CENPP: variants seen among roughly 807,000 people sequenced by gnomAD.
CENPP encodes centromere protein P.
CENPP carries 24 observed loss-of-function variants against 35.6 expected under a neutral mutation model. The ratio of observed to expected loss-of-function variants is 0.67; its 90% CI spans 0.49 to 0.95. The LOEUF is 0.95. Among genes scored for constraint, CENPP ranks in the 40% least tolerant of loss-of-function variants. The pLI, the probability that CENPP is intolerant of heterozygous loss-of-function variation, is 0.00. For synonymous variants in CENPP, 120 were observed against 125.5 expected (o/e 0.96, Z 0.29); for missense variants, 332 against 345.3 (o/e 0.96, Z 0.31).
chr9:92,470,148 G>A (rs1845458554), intron 5 of CENPP, among the ~76,000 whole-genome samples: 1 of 152,154 alleles, frequency 6.6e-6, no homozygotes, highest in African/African-American at 2.4e-5. Context: ...AAACATGGAA[G>A]TAGTAATCTT....
chr9:92,587,469 T>C (rs1850567696), intron 5 of CENPP, among the ~76,000 whole-genome samples: 2 of 149,986 alleles, frequency 1.3e-5, no homozygotes, highest in African/African-American at 4.9e-5. Flanking sequence ...AATTGCCATC[T>C]CAAAAAAAAG....
chr9:92,335,865 G>A (rs1416519601), intron 2 of CENPP, among the ~76,000 whole-genome samples: 1 of 152,156 alleles, frequency 6.6e-6, no homozygotes, highest in Non-Finnish European at 1.5e-5. Flanking sequence ...TGGCTCTCCT[G>A]AGTTTTTGCC....
intron 4 of CENPP, among the ~76,000 whole-genome samples, chr9:92,364,208 T>A (rs1450781930): frequency 4.6e-5 from 7 of 151,194 alleles, no homozygotes; most frequent in East Asian, 1.9e-4. Context: ...GAAAAAAAAA[T>A]TTTTTTAGAA....
chr9:92,568,957 G>T (rs1156777444), intron 5 of CENPP, among the ~76,000 whole-genome samples: 1 of 152,134 alleles, frequency 6.6e-6, no homozygotes, highest in Non-Finnish European at 1.5e-5. Context: ...ATTTGTTTAA[G>T]TACTTTGTAG....
At chr9:92,486,620 G>A (rs1274637858) in intron 5 of CENPP, among the ~76,000 whole-genome samples, 1 of 152,056 alleles carries the variant, frequency 6.6e-6, no homozygotes, top group Admixed American at 6.5e-5. Flanking sequence ...GCAGGGACTG[G>A]CTTCTGCTGT....
chr9:92,567,369 G>GATAGATATATATATATATATATATATAT (rs1849994936), intron 5 of CENPP, among the ~76,000 whole-genome samples: 5 of 104,090 alleles, frequency 4.8e-5, no homozygotes, highest in African/African-American at 1.2e-4. Flanking sequence ...AGTTACATAA[G>GATAGATATATATATATATATATATATAT]ATAGATATAT....
chr9:92,598,874 G>A (rs1850842935), intron 5 of CENPP, among the ~76,000 whole-genome samples: 1 of 151,770 alleles, frequency 6.6e-6, no homozygotes, highest in South Asian at 2.1e-4. Context: ...TTGGCAGGCC[G>A]AGGCAGGTGC....
At chr9:92,514,124 CTTT>C (rs34816093) in intron 5 of CENPP, among the ~76,000 whole-genome samples, 22 of 136,278 alleles carry the variant, frequency 1.6e-4, no homozygotes, top group Admixed American at 3.0e-4. Context: ...GAATCGTTCA[CTTT>C]TTTTTTTTTT....
rs766371267 is a variant in CENPP, at chr9:92,615,890, A to G, written c.*2741A>G. ...GCTTTCCTTGAACCGAGTCGACATC[A>G]CGGCGTTGTCTTTGGCACGTACAGT... is the stretch of plus-strand genomic sequence containing the variant. On this transcript the variant is annotated 3_prime_UTR_variant, in exon 8 of 8. Transcript: ENST00000375587. 6.2e-7 allele frequency: 1 copy of G among 1,614,194 alleles called. No individual in the cohort carries two copies.
chr9:92,385,214 G>C (rs1160888003), intron 5 of CENPP: 1 of 155,328 alleles, frequency 6.4e-6, no homozygotes, highest in Non-Finnish European at 1.4e-5. Context: ...AAAGTTTTTG[G>C]AACATGTACC....
At chr9:92,443,643 T>C (rs1844477381) in intron 5 of CENPP, among the ~76,000 whole-genome samples, 1 of 145,890 alleles carries the variant, frequency 6.9e-6, no homozygotes, top group African/African-American at 2.7e-5. Flanking sequence ...CAAAGAGGAC[T>C]TAGTATGTTA....
chr9:92,500,396 T>A (rs1445387193), intron 5 of CENPP, among the ~76,000 whole-genome samples: 1 of 152,236 alleles, frequency 6.6e-6, no homozygotes, highest in Non-Finnish European at 1.5e-5. Flanking sequence ...TTGGCCAGGC[T>A]GGCCTCAGAC....
intron 5 of CENPP, among the ~76,000 whole-genome samples, chr9:92,479,254 G>A (rs1389033742): frequency 1.3e-5 from 2 of 152,154 alleles, no homozygotes; most frequent in South Asian, 2.1e-4. Flanking sequence ...AGCATCAGCC[G>A]GGGCCCCTTC....
At chr9:92,435,921 T>C (rs1844235278) in intron 5 of CENPP, among the ~76,000 whole-genome samples, 1 of 152,214 alleles carries the variant, frequency 6.6e-6, no homozygotes, top group Non-Finnish European at 1.5e-5. Context: ...ATGGGGTACA[T>C]GCCCAGAGTA....
chr9:92,514,741 C>T lies in CENPP; in HGVS notation c.565-96573C>T, dbSNP rs560017678. 2.7e-5 allele frequency: 44 copies of T among 1,614,078 alleles called. No individual in the cohort carries two copies. Among genetic ancestry groups the T allele is most frequent in the Middle Eastern group, 1.7e-4 (1 of 6,060 alleles). On this transcript the variant is annotated intron_variant, in intron 5 of 7. Transcript: ENST00000375587. ...GGACAGAGAGCACCCGCTTGGCAGGCGCAGTGTGCCTCTGGGAGGAGCAGG... is the reference window on the plus strand; with the variant it reads ...GGACAGAGAGCACCCGCTTGGCAGGTGCAGTGTGCCTCTGGGAGGAGCAGG...
intron 5 of CENPP, among the ~76,000 whole-genome samples, chr9:92,510,476 A>G (rs1314795950): frequency 1.3e-5 from 2 of 152,240 alleles, no homozygotes. Flanking sequence ...TCAGTTTTTT[A>G]TCTACTCCAG....
intron 5 of CENPP, among the ~76,000 whole-genome samples, chr9:92,468,591 G>A (rs1209573539): frequency 6.6e-6 from 1 of 152,186 alleles, no homozygotes; most frequent in Non-Finnish European, 1.5e-5. Flanking sequence ...CAGAGAATTT[G>A]TAGAATGTCT....
intron 5 of CENPP, among the ~76,000 whole-genome samples, chr9:92,433,472 T>G (rs1397355088): frequency 6.6e-6 from 1 of 152,206 alleles, no homozygotes; most frequent in Non-Finnish European, 1.5e-5. Flanking sequence ...TACCTTTTTT[T>G]CTTCTCTAAT....
intron 5 of CENPP, among the ~76,000 whole-genome samples, chr9:92,522,109 C>T (rs377303731): frequency 9.9e-4 from 150 of 152,048 alleles, no homozygotes; most frequent in Non-Finnish European, 1.7e-3. Flanking sequence ...AATCTCGAGA[C>T]GGAGTCTTGC....
Sources: gnomAD v4.1 joint callset for allele counts (sites outside exome capture counted in the v4.1 genomes callset) on GRCh38, gnomAD v4.1.1 for gene constraint, MANE v1.5 for transcripts, NCBI Gene and HGNC (gene_info 2026-07-23, HGNC 2026-07-21) for gene names.